Variants in COP1 observed in about 807,000 individuals in gnomAD.
COP1 encodes the protein E3 ubiquitin-protein ligase COP1.
Under a neutral mutation model 101.3 loss-of-function variants are expected in COP1, and 24 were observed. The ratio of observed to expected loss-of-function variants is 0.24; its 90% CI spans 0.17 to 0.33. The LOEUF (loss-of-function observed/expected upper bound fraction) is 0.33, where lower values mean the gene tolerates loss of function less well. Among genes scored for constraint, COP1 ranks in the 10% least tolerant of loss-of-function variants. The pLI is 1.00. For synonymous variants in COP1, 347 were observed against 341.9 expected (o/e 1.01, Z -0.17); for missense variants, 663 against 906.2 (o/e 0.73, Z 3.45).
intron 6 of COP1, among the ~76,000 whole-genome samples, chr1:176,145,449 T>C (rs1691429532): frequency 6.6e-6 from 1 of 152,182 alleles, no homozygotes; most frequent in Middle Eastern, 3.2e-3. Flanking sequence ...TATTTTGGCA[T>C]TATCTATTAA....
chr1:176,168,485 G>A (rs532439609), intron 3 of COP1, among the ~76,000 whole-genome samples: 23 of 92,978 alleles, frequency 2.5e-4, no homozygotes, highest in African/African-American at 7.6e-4. Context: ...AGGAAGGCAG[G>A]AAGGGAGGGA....
chr1:175,976,832 ACTT>A (rs1654715816), intron 18 of COP1, among the ~76,000 whole-genome samples: 1 of 152,190 alleles, frequency 6.6e-6, no homozygotes, highest in Admixed American at 6.5e-5. Context: ...AAGACATTGA[ACTT>A]CTTATTTATC....
At chr1:176,056,454 T>C (rs934102841) in intron 11 of COP1, among the ~76,000 whole-genome samples, 11 of 152,190 alleles carry the variant, frequency 7.2e-5, no homozygotes, top group Non-Finnish European at 1.5e-4. Flanking sequence ...TATATAAAGA[T>C]ACTTACAATT....
chr1:175,955,623 T>A (rs574539882), intron 18 of COP1, among the ~76,000 whole-genome samples: 1 of 152,266 alleles, frequency 6.6e-6, no homozygotes, highest in African/African-American at 2.4e-5. Context: ...ATAAATAAAT[T>A]GTCTTCAGCA....
intron 9 of COP1, among the ~76,000 whole-genome samples, chr1:176,093,002 G>A (rs773097160): frequency 2.6e-5 from 4 of 152,090 alleles, no homozygotes; most frequent in African/African-American, 7.2e-5. Flanking sequence ...AATATTATAC[G>A]TCAGTGACAA....
At chr1:176,167,959 A>G (rs1393370205) in intron 3 of COP1, among the ~76,000 whole-genome samples, 1 of 150,346 alleles carries the variant, frequency 6.7e-6, no homozygotes, top group African/African-American at 2.4e-5. Flanking sequence ...TGCATCAGCC[A>G]TTTTTTTTTT....
intron 18 of COP1, among the ~76,000 whole-genome samples, chr1:175,961,701 A>C (rs1441272654): frequency 6.6e-6 from 1 of 150,648 alleles, no homozygotes; most frequent in Non-Finnish European, 1.5e-5. Context: ...GTCTCAAAAA[A>C]AAAAAAAAAA....
intron 9 of COP1, among the ~76,000 whole-genome samples, chr1:176,087,487 A>G (rs180933287): frequency 1.5e-3 from 232 of 152,366 alleles, no homozygotes; most frequent in African/African-American, 5.4e-3. Flanking sequence ...TTATGCAGCC[A>G]ACAGACACAT....
At chr1:176,109,069 G>C (rs772538534) in intron 9 of COP1, among the ~76,000 whole-genome samples, 1 of 151,980 alleles carries the variant, frequency 6.6e-6, no homozygotes, top group Non-Finnish European at 1.5e-5. Flanking sequence ...CTGAGATCAC[G>C]TCACTGCACT....
intron 1 of COP1, among the ~76,000 whole-genome samples, chr1:176,192,053 A>G (rs1223311112): frequency 6.6e-6 from 1 of 152,150 alleles, no homozygotes; most frequent in Non-Finnish European, 1.5e-5. Flanking sequence ...CATGATTAAT[A>G]CAAGTAATAG....
intron 9 of COP1, among the ~76,000 whole-genome samples, chr1:176,113,858 A>C (rs1032069099): frequency 6.6e-6 from 1 of 152,168 alleles, no homozygotes; most frequent in Admixed American, 6.5e-5. Context: ...GTAATGATAA[A>C]TCTTATCTAG....
chr1:176,104,404 G>GT (rs1365596585), intron 9 of COP1, among the ~76,000 whole-genome samples: 6 of 151,998 alleles, frequency 3.9e-5, no homozygotes, highest in African/African-American at 9.7e-5. Flanking sequence ...CAGGTCATAG[G>GT]TAACAGACTA....
intron 15 of COP1, among the ~76,000 whole-genome samples, chr1:176,026,958 CTAA>C: frequency 6.6e-6 from 1 of 152,008 alleles, no homozygotes; most frequent in African/African-American, 2.4e-5. Context: ...AAAGAGGGCA[CTAA>C]TAATAAATAC....
At chr1:175,950,117 A>C (rs1460463876) in intron 18 of COP1, among the ~76,000 whole-genome samples, 1 of 152,124 alleles carries the variant, frequency 6.6e-6, no homozygotes, top group Non-Finnish European at 1.5e-5. Context: ...TAACCTCAGG[A>C]TTACTATGGC....
chr1:175,977,977 A>C (rs1039870383), intron 18 of COP1, among the ~76,000 whole-genome samples: 1 of 152,160 alleles, frequency 6.6e-6, no homozygotes, highest in Non-Finnish European at 1.5e-5. Context: ...GGATTACCAA[A>C]AGATAAACAT....
Position 175,988,349 on chromosome 1 carries a change from C to G in COP1, c.1911G>C (p.Lys637Asn). The G allele has an allele frequency of 6.2e-7, 1 of 1,612,160 alleles. No homozygotes were observed. The highest frequency in any genetic ancestry group is 1.7e-5 in the Admixed American group (1 of 59,988). The change falls in exon 17 of 20, where the codon AAG (lysine) becomes AAC (asparagine). Residue 637 changes from lysine (K) to asparagine (N), a missense_variant. Lys to Asn is a moderately conservative substitution (Grantham distance 94, BLOSUM62 0). This residue lies in a region of COP1 where 209 missense variants were observed against 383.3 expected (regional missense o/e 0.55). Coordinates refer to ENST00000367669, the MANE Select transcript of COP1 (RefSeq NM_022457.7). ...CAAAGTTTTTTTCATTGATATGACC[C>G]TTGAAGGAACGTAGGCAGTATGGTT... ...VGKPYCLRSF[K>N]GHINEKNFVG...
intron 15 of COP1, among the ~76,000 whole-genome samples, chr1:175,991,408 A>T (rs1420904075): frequency 6.6e-6 from 1 of 152,238 alleles, no homozygotes; most frequent in Admixed American, 6.5e-5. Flanking sequence ...ACACCCATAC[A>T]GGGGACTTAT....
At chr1:176,177,046 C>A (rs1039786255) in intron 2 of COP1, among the ~76,000 whole-genome samples, 2 of 151,858 alleles carry the variant, frequency 1.3e-5, no homozygotes, top group Non-Finnish European at 2.9e-5. Flanking sequence ...CTGTAAATAG[C>A]AAAATAAAAC....
In COP1 at chr1:176,085,759, A is replaced by G; in HGVS notation, c.1141+17T>C. 7.4e-7 allele frequency: 1 copy of G among 1,349,330 alleles called. No homozygotes were observed. The highest frequency in any genetic ancestry group is 1.0e-6 in the Non-Finnish European group (1 of 961,768). The allele number at this position is 1,349,330 out of a possible 1,614,324, so 83.6% of individuals were successfully genotyped here. ...AAATGTAGATTTCAGATAATTTGAG[A>G]AGGTCTAAATATATACCTGAGATAC... On this transcript the variant is annotated intron_variant, in intron 10 of 19. Coordinates refer to ENST00000367669, the MANE Select transcript of COP1 (RefSeq NM_022457.7).
Sources: allele counts gnomAD v4.1 joint callset (sites outside exome capture counted in the v4.1 genomes callset), GRCh38; gene constraint gnomAD v4.1.1; regional missense constraint gnomAD v4.1.1; transcripts MANE v1.5; gene names NCBI Gene and HGNC (gene_info 2026-07-23, HGNC 2026-07-21).